Variants in B3GALT5 observed in about 807,000 individuals in gnomAD.
B3GALT5 encodes beta-1,3-galactosyltransferase 5.
For synonymous variants in B3GALT5, 156 were observed against 158.6 expected (o/e 0.98, Z 0.12); for missense variants, 328 against 396.6 (o/e 0.83, Z 1.47).
intron 1 of B3GALT5, among the ~76,000 whole-genome samples, chr21:39,642,873 C>CAAA (rs1210751363): frequency 3.0e-5 from 3 of 100,088 alleles, no homozygotes; most frequent in African/African-American, 1.0e-4. Flanking sequence ...CCCATTGCCA[C>CAAA]AAAAAAAAAA....
intron 2 of B3GALT5, among the ~76,000 whole-genome samples, chr21:39,658,518 G>A (rs2079472985): frequency 6.6e-6 from 1 of 152,044 alleles, no homozygotes; most frequent in Non-Finnish European, 1.5e-5. Flanking sequence ...ATGTATTGTG[G>A]GGGAGAAAGC....
At chr21:39,617,205 A>G (rs982742930) in intron 1 of B3GALT5, among the ~76,000 whole-genome samples, 3 of 152,290 alleles carry the variant, frequency 2.0e-5, no homozygotes, top group South Asian at 2.1e-4. Context: ...TATTGACTTC[A>G]ATATTTCAAG....
chr21:39,649,585 C>G (rs1176801955), intron 2 of B3GALT5, among the ~76,000 whole-genome samples: 1 of 152,086 alleles, frequency 6.6e-6, no homozygotes, highest in African/African-American at 2.4e-5. Context: ...ACAGCATGGA[C>G]AAGTGGGGAG....
intron 1 of B3GALT5, among the ~76,000 whole-genome samples, chr21:39,638,021 C>T (rs2079241327): frequency 6.6e-6 from 1 of 152,142 alleles, no homozygotes; most frequent in South Asian, 2.1e-4. Context: ...AATGTCCTTG[C>T]CACACCGGGC....
At chr21:39,653,332 A>G (rs1000294625) in intron 2 of B3GALT5, among the ~76,000 whole-genome samples, 1 of 152,164 alleles carries the variant, frequency 6.6e-6, no homozygotes, top group Non-Finnish European at 1.5e-5. Flanking sequence ...TCTTGACTAG[A>G]GTTGTGTTAT....
chr21:39,633,483 T>C (rs530586630), intron 1 of B3GALT5, among the ~76,000 whole-genome samples: 2 of 152,352 alleles, frequency 1.3e-5, no homozygotes, highest in African/African-American at 2.4e-5. Flanking sequence ...ACAATACTTA[T>C]ACATGAATGG....
At chr21:39,651,179 T>C (rs914256054) in intron 2 of B3GALT5, among the ~76,000 whole-genome samples, 1 of 152,214 alleles carries the variant, frequency 6.6e-6, no homozygotes, top group African/African-American at 2.4e-5. Context: ...CAGGAACCTC[T>C]AACTGAAATT....
intron 1 of B3GALT5, among the ~76,000 whole-genome samples, chr21:39,635,661 G>T (rs981860757): frequency 1.3e-5 from 2 of 152,016 alleles, no homozygotes; most frequent in African/African-American, 4.8e-5. Flanking sequence ...TATTTTTTTA[G>T]TAAAGACAGG....
intron 1 of B3GALT5, among the ~76,000 whole-genome samples, chr21:39,639,460 C>CTTT (rs759245065): frequency 9.1e-6 from 1 of 109,450 alleles, no homozygotes. Flanking sequence ...TTCTTTTTTT[C>CTTT]TTTCTCTCTC....
chr21:39,656,644 C>T (rs560928), intron 2 of B3GALT5, among the ~76,000 whole-genome samples: 110,570 of 152,106 alleles, frequency 0.73, 40,756 homozygotes, highest in Middle Eastern at 0.79. Context: ...TTCCAGACCC[C>T]CCCTTCAGTT....
chr21:39,649,284 T>C (rs2079371782), intron 2 of B3GALT5, among the ~76,000 whole-genome samples: 1 of 152,152 alleles, frequency 6.6e-6, no homozygotes. Flanking sequence ...GCTCATTTGC[T>C]CCTCTAGGCC....
At chr21:39,655,627 G>T (rs571695609) in intron 2 of B3GALT5, among the ~76,000 whole-genome samples, 1 of 152,286 alleles carries the variant, frequency 6.6e-6, no homozygotes, top group East Asian at 1.9e-4. Context: ...TACAATTGGG[G>T]TGGGGGGCAT....
Position 39,667,288 on chromosome 21 carries a change from T to C in B3GALT5, c.*5796T>C, listed in dbSNP as rs2079586181. 6.6e-6 allele frequency: 1 copy of C among 152,230 alleles called. No homozygotes were observed. The highest frequency in any genetic ancestry group is 6.5e-5 in the Admixed American group (1 of 15,280). 9.4% of individuals were successfully genotyped at this position (152,230 alleles called of 1,614,324 possible). A position where few individuals can be genotyped will look rare whatever the true frequency, so the allele number is the denominator to read the frequency against. On this transcript the variant is annotated 3_prime_UTR_variant, in exon 4 of 4. Transcript: ENST00000684187. ...CGGGCACCGGGTGCTGCACCGGTTA[T>C]CCCAACAGGCTGGCACAGAGGGCTG...
rs2079574795 is a variant in B3GALT5, at chr21:39,666,035, G to A, written c.*4543G>A. The A allele has an allele frequency of 6.6e-6, 1 of 152,116 alleles. No homozygotes were observed. The highest frequency in any genetic ancestry group is 1.5e-5 in the Non-Finnish European group (1 of 68,038). 9.4% of individuals were successfully genotyped at this position (152,116 alleles called of 1,614,324 possible). ...GGTAGGTGGGTTTTAGAAGGGAATG[G>A]GTGAACCAGGACTGAAAAAAAAGAA... On this transcript the variant is annotated 3_prime_UTR_variant, in exon 4 of 4. Transcript: ENST00000684187.
chr21:39,617,216 C>G (rs960000608), intron 1 of B3GALT5, among the ~76,000 whole-genome samples: 17 of 152,208 alleles, frequency 1.1e-4, no homozygotes, highest in Non-Finnish European at 2.4e-4. Flanking sequence ...ATATTTCAAG[C>G]TCTCTAAAAT....
At position 39,659,771 on chromosome 21, in the gene B3GALT5, C is replaced by A. The variant is rs1298368104; in HGVS notation, c.-142C>A. The A allele has an allele frequency of 3.1e-5, 31 of 984,584 alleles. 1 individual carries two copies. In the South Asian group the frequency reaches 5.6e-4, roughly 18 times the overall value. 61.0% of individuals were successfully genotyped at this position (984,584 alleles called of 1,614,324 possible). A position where few individuals can be genotyped will look rare whatever the true frequency, so the allele number is the denominator to read the frequency against. On this transcript the variant is annotated 5_prime_UTR_variant, in exon 3 of 4. Coordinates refer to ENST00000684187, the MANE Select transcript of B3GALT5 (RefSeq NM_001356336.2). ...TTCCTAGTGATTCCTGTCAGAATCA[C>A]CATTTTTGGTAAACAAACCAAGCCC... is the stretch of plus-strand genomic sequence containing the variant.
chr21:39,617,580 A>G (rs948441762), intron 1 of B3GALT5, among the ~76,000 whole-genome samples: 1 of 152,176 alleles, frequency 6.6e-6, no homozygotes, highest in African/African-American at 2.4e-5. Flanking sequence ...TTTTAATCCA[A>G]TCACTTCCCT....
At chr21:39,624,230 A>G (rs1335804550) in intron 1 of B3GALT5, among the ~76,000 whole-genome samples, 1 of 152,172 alleles carries the variant, frequency 6.6e-6, no homozygotes, top group Non-Finnish European at 1.5e-5. Context: ...CGCTCCCCCC[A>G]TAAAACATAC....
In B3GALT5 at chr21:39,659,022, C is replaced by T. The variant is rs116982890; in HGVS notation, c.-160-731C>T. On this transcript the variant is annotated intron_variant, in intron 2 of 3. Transcript: ENST00000684187. ...TTTGGGAGGCCAAGGCAGGGGACTG[C>T]GTGAGCCCAGGAGTTTGAGACTAGC... 5.2e-4 allele frequency among the ~76,000 whole-genome samples: 79 copies of T among 152,316 alleles called. No individual in the cohort carries two copies. The East Asian group carries it at 0.013, about 25-fold the overall frequency.
Sources: allele counts gnomAD v4.1 joint callset (sites outside exome capture counted in the v4.1 genomes callset), GRCh38; gene constraint gnomAD v4.1.1; transcripts MANE v1.5; gene names NCBI Gene and HGNC (gene_info 2026-07-23, HGNC 2026-07-21).